Variants in GRHL2 observed in about 807,000 individuals in gnomAD.
GRHL2 encodes the protein grainyhead like transcription factor 2, also known as grainyhead-like protein 2 homolog.
A neutral mutation model predicts 83.8 loss-of-function variants in GRHL2; 21 were observed. The ratio of observed to expected loss-of-function variants is 0.25; its 90% CI spans 0.18 to 0.36. The LOEUF is 0.36. Ranked by LOEUF, GRHL2 falls within the 10% of genes least tolerant of loss-of-function variation. GRHL2 has a pLI of 1.00. For synonymous variants in GRHL2, 280 were observed against 278.9 expected, an observed-to-expected ratio of 1.00 and a Z score of -0.04; for missense variants, 623 against 781.8, an observed-to-expected ratio of 0.80 and a Z score of 2.42.
At chr8:101,552,884 C>T (rs1381944907) in intron 3 of GRHL2, 102 bp downstream of exon 3, 1 of 1,064,694 alleles carries the variant, frequency 9.4e-7, no homozygotes. Flanking sequence ...GGTCAAGAAG[C>T]TTAGCATCAT....
At chr8:101,534,757 G>T (rs1811008320) in intron 1 of GRHL2, among the ~76,000 whole-genome samples, 1 of 152,174 alleles carries the variant, frequency 6.6e-6, no homozygotes, top group Non-Finnish European at 1.5e-5. Context: ...CTAATGAAGT[G>T]GATGTAAGAA....
At position 101,632,227 on chromosome 8, in the gene GRHL2, C is replaced by A. The variant is rs778360793; in HGVS notation, c.1347C>A (p.Ser449=). The part of the protein sequence containing the change: ...GQASQTQCNS[S]SDGKLAAIPL... ...ATGAGTTTGTGTGATCCCATCCAGC[C>A]TCTGATGGGAAGTTGGCTGCCATAC... is the stretch of plus-strand genomic sequence containing the variant. The change falls in exon 11 of 16, where the codon TCC becomes TCA. Residue 449 remains serine, a splice_region_variant and synonymous_variant. Transcript: ENST00000646743. 5 of 1,613,810 alleles carry A rather than the reference C, an allele frequency of 3.1e-6. No homozygotes were observed. The South Asian group carries it at 5.5e-5, about 18-fold the overall frequency.
At position 101,510,086 on chromosome 8, in the gene GRHL2, G is replaced by A. The variant is rs112454508; in HGVS notation, c.20+17297G>A. Among the ~76,000 whole-genome samples the A allele has an allele frequency of 3.1e-3, 467 of 152,206 alleles. 1 individual carries two copies. Among genetic ancestry groups the A allele is most frequent in the African/African-American group, 0.01 (422 of 41,542 alleles). On this transcript the variant is annotated intron_variant, in intron 1 of 15. Coordinates refer to ENST00000646743, the MANE Select transcript of GRHL2 (RefSeq NM_024915.4). ...GCTCACTGCAGCCTTGACCTCCCAGGCCCAGATGATCTTCCCACCTCAACC... is the reference window on the plus strand; with the variant it reads ...GCTCACTGCAGCCTTGACCTCCCAGACCCAGATGATCTTCCCACCTCAACC...
rs755504956 is a variant in GRHL2 at position 101,599,186 on chromosome 8, A to G, written c.1098+35A>G. 3.1e-6 allele frequency: 4 copies of G among 1,285,716 alleles called. No individual in the cohort carries two copies. In the South Asian group the frequency reaches 4.8e-5, roughly 15 times the overall value. 79.6% of individuals were successfully genotyped at this position (1,285,716 alleles called of 1,614,324 possible). A position where few individuals can be genotyped will look rare whatever the true frequency, so the allele number is the denominator to read the frequency against. On this transcript the variant is annotated intron_variant, in intron 8 of 15. Coordinates refer to ENST00000646743, the MANE Select transcript of GRHL2 (RefSeq NM_024915.4). ...ATTGATTCATTGTTTATACCTCTTA[A>G]TATGTGCCCATCCTCAGCAGTTTAT...
chr8:101,509,913 T>G (rs1346605229), intron 1 of GRHL2, among the ~76,000 whole-genome samples: 2 of 152,204 alleles, frequency 1.3e-5, no homozygotes, highest in Non-Finnish European at 2.9e-5. Flanking sequence ...ATAATGGTTC[T>G]CCTCCATAAA....
chr8:101,577,615 A>G (rs1003862709), intron 7 of GRHL2, 96 bp downstream of exon 7: 4 of 821,092 alleles, frequency 4.9e-6, no homozygotes, highest in Non-Finnish European at 8.3e-6. Context: ...AGCTGGAGCC[A>G]CAGAGCTCTT....
At chr8:101,655,494 T>C (rs966378708) in intron 14 of GRHL2, among the ~76,000 whole-genome samples, 1 of 152,172 alleles carries the variant, frequency 6.6e-6, no homozygotes, top group African/African-American at 2.4e-5. Context: ...CCAAGCTGAG[T>C]CACTTTTCTG....
intron 4 of GRHL2, among the ~76,000 whole-genome samples, chr8:101,560,204 GTT>G (rs905470852): frequency 6.1e-5 from 8 of 130,666 alleles, no homozygotes; most frequent in East Asian, 4.2e-4. Context: ...GTGTGTGTGT[GTT>G]TTTAGTAGAG....
chr8:101,623,387 G>A (rs74347212), intron 9 of GRHL2, among the ~76,000 whole-genome samples: 1 of 147,768 alleles, frequency 6.8e-6, no homozygotes, highest in Non-Finnish European at 1.5e-5. Context: ...GACAGTTCAC[G>A]GTACCCAGTA....
chr8:101,672,391 G>A (rs777334931), downstream of GRHL2, among the ~76,000 whole-genome samples: 4 of 151,750 alleles, frequency 2.6e-5, no homozygotes, highest in Non-Finnish European at 5.9e-5. Context: ...CAAGGCTCGA[G>A]AACTACGTGA....
intron 7 of GRHL2, among the ~76,000 whole-genome samples, chr8:101,582,013 A>G (rs1012451573): frequency 1.3e-5 from 2 of 152,198 alleles, no homozygotes; most frequent in African/African-American, 4.8e-5. Flanking sequence ...CGTGGCAGGC[A>G]GATCACTTGA....
chr8:101,659,688 C>CA (rs1349639041), intron 14 of GRHL2, among the ~76,000 whole-genome samples: 7 of 152,100 alleles, frequency 4.6e-5, no homozygotes, highest in Non-Finnish European at 8.8e-5. Context: ...CACCAGGAGA[C>CA]ATGACAAACA....
Position 101,609,564 on chromosome 8 carries a change from T to G in GRHL2, c.1099-9975T>G, listed in dbSNP as rs185206958. On this transcript the variant is annotated intron_variant, in intron 8 of 15. Transcript: ENST00000646743. The stretch of plus-strand genomic sequence containing the variant: ...GAACAAAAGCCACGTAGAAAGACAT[T>G]CATTGCAGCATTATTTATGACAGGA... 1.2e-4 allele frequency among the ~76,000 whole-genome samples: 18 copies of G among 151,160 alleles called. 2 individuals carry two copies. The highest frequency in any genetic ancestry group is 4.4e-4 in the African/African-American group (18 of 40,556).
intron 14 of GRHL2, among the ~76,000 whole-genome samples, chr8:101,662,089 AATC>A (rs1417613247): frequency 6.6e-6 from 1 of 152,248 alleles, no homozygotes; most frequent in East Asian, 1.9e-4. Context: ...TTAGATCAAT[AATC>A]ATATTTGTAT....
intron 8 of GRHL2, among the ~76,000 whole-genome samples, chr8:101,602,498 G>T (rs1033916607): frequency 6.6e-6 from 1 of 152,098 alleles, no homozygotes; most frequent in South Asian, 2.1e-4. Context: ...GCCTTTTGAT[G>T]GTCCACAGAA....
intron 7 of GRHL2, among the ~76,000 whole-genome samples, chr8:101,594,519 G>C (rs1812352830): frequency 6.6e-6 from 1 of 152,198 alleles, no homozygotes; most frequent in Non-Finnish European, 1.5e-5. Flanking sequence ...AGGCACATCT[G>C]TTACCATTTT....
intron 2 of GRHL2, among the ~76,000 whole-genome samples, chr8:101,550,230 A>T (rs1811351635): frequency 6.7e-6 from 1 of 149,558 alleles, no homozygotes. Context: ...AGATTTGGGG[A>T]TATGTGTGCA....
intron 1 of GRHL2, among the ~76,000 whole-genome samples, chr8:101,494,941 G>T (rs1810064420): frequency 6.6e-6 from 1 of 152,194 alleles, no homozygotes; most frequent in Non-Finnish European, 1.5e-5. Context: ...TCGTTACAAT[G>T]GTGCAAGGAG....
intron 8 of GRHL2, among the ~76,000 whole-genome samples, chr8:101,613,481 C>G (rs1198167265): frequency 6.6e-6 from 1 of 150,760 alleles, no homozygotes; most frequent in Non-Finnish European, 1.5e-5. Flanking sequence ...ATGCCAAGCA[C>G]AGAGAGAAGA....
Sources: gnomAD v4.1 joint callset for allele counts (sites outside exome capture counted in the v4.1 genomes callset) on GRCh38, gnomAD v4.1.1 for gene constraint, MANE v1.5 for transcripts, NCBI Gene and HGNC (gene_info 2026-07-23, HGNC 2026-07-21) for gene names.